NALCN: variants seen among roughly 807,000 people sequenced by gnomAD.
NALCN encodes sodium leak channel, non-selective.
Under a neutral mutation model 225.3 loss-of-function variants are expected in NALCN, and 111 were observed. The ratio of observed to expected loss-of-function variants is 0.49; its 90% CI spans 0.42 to 0.58. NALCN has a LOEUF of 0.58. Ranked by LOEUF, NALCN falls within the 20% of genes least tolerant of loss-of-function variation. NALCN has a pLI of 0.00. For synonymous variants in NALCN, 764 were observed against 769.0 expected, an observed-to-expected ratio of 0.99 and a Z score of 0.11; for missense variants, 1,378 against 2,202.4, an observed-to-expected ratio of 0.63 and a Z score of 7.49.
At chr13:101,383,659 T>C (rs943115421) in intron 3 of NALCN, among the ~76,000 whole-genome samples, 6 of 152,246 alleles carry the variant, frequency 3.9e-5, no homozygotes, top group African/African-American at 1.4e-4. Flanking sequence ...TCTTAATGAA[T>C]GCATCCATCC....
chr13:101,279,640 C>A (rs563055190), intron 10 of NALCN, among the ~76,000 whole-genome samples: 2 of 147,370 alleles, frequency 1.4e-5, no homozygotes, highest in South Asian at 2.2e-4. Flanking sequence ...AACGGTGAAA[C>A]CCCGTCTCTA....
chr13:101,147,073 TCAAA>T (rs1325182938), intron 15 of NALCN, among the ~76,000 whole-genome samples: 1 of 152,118 alleles, frequency 6.6e-6, no homozygotes, highest in African/African-American at 2.4e-5. Flanking sequence ...TTCAATGTCT[TCAAA>T]CAGACACAAG....
At chr13:101,068,064 A>T in intron 38 of NALCN, 31 bp from the exon 39 acceptor site, 2 of 1,272,096 alleles carry the variant, frequency 1.6e-6, no homozygotes, top group Non-Finnish European at 2.3e-6. Flanking sequence ...CAGAAGTTAG[A>T]CCATTATGCT....
At chr13:101,360,080 TTTCTCTTTCTTTCTTTTC>T (rs1208288148) in intron 6 of NALCN, among the ~76,000 whole-genome samples, 23 of 149,872 alleles carry the variant, frequency 1.5e-4, no homozygotes, top group African/African-American at 5.3e-4. Flanking sequence ...TCTTTCTTTC[TTTCTCTTTCTTTCTTTTC>T]TTTCTCTTTC....
rs568959232 is a variant in NALCN at position 101,089,026 on chromosome 13, T to C, written c.3489+637A>G. Reference sequence around the variant, plus strand: ...GATTCTCATGCCTCAGCCAACCCAGTAGCTGGGATTACAGGCATGCGCCAC... The same window carrying C: ...GATTCTCATGCCTCAGCCAACCCAGCAGCTGGGATTACAGGCATGCGCCAC... On this transcript the variant is annotated intron_variant, in intron 30 of 43. Transcript: ENST00000251127. The surrounding 1 kb of genome is among the most constrained non-coding windows in gnomAD (Gnocchi z 4.7). Among the ~76,000 whole-genome samples the C allele has an allele frequency of 1.3e-5, 2 of 151,936 alleles. No homozygotes were observed. Among genetic ancestry groups the C allele is most frequent in the Non-Finnish European group, 2.9e-5 (2 of 67,966 alleles).
chr13:101,239,167 A>G (rs2041670355), intron 11 of NALCN, among the ~76,000 whole-genome samples: 1 of 151,962 alleles, frequency 6.6e-6, no homozygotes, highest in African/African-American at 2.4e-5. Flanking sequence ...TCATCCACAC[A>G]TATGCAATCA....
chr13:101,267,524 T>C (rs1293446670), intron 10 of NALCN, among the ~76,000 whole-genome samples: 1 of 152,198 alleles, frequency 6.6e-6, no homozygotes, highest in Non-Finnish European at 1.5e-5. Context: ...GTCAGTGAGA[T>C]GGTAGCAAAG....
intron 13 of NALCN, among the ~76,000 whole-genome samples, chr13:101,208,005 G>A (rs1204357401): frequency 1.3e-5 from 2 of 151,232 alleles, no homozygotes. Flanking sequence ...TTTATGAGCT[G>A]TAACACTCAC....
chr13:101,301,276 C>T (rs768373635), intron 7 of NALCN, among the ~76,000 whole-genome samples: 7 of 152,328 alleles, frequency 4.6e-5, no homozygotes, highest in South Asian at 2.1e-4. Context: ...GCGCCCCCTG[C>T]GCTCGGCAAT....
At chr13:101,058,094 A>C in intron 42 of NALCN, 38 bp from the exon 43 acceptor site, 1 of 1,551,340 alleles carries the variant, frequency 6.4e-7, no homozygotes, top group South Asian at 1.1e-5. Flanking sequence ...CCGTCTTTTT[A>C]ACCCTGCGCT....
intron 2 of NALCN, among the ~76,000 whole-genome samples, chr13:101,397,962 C>T (rs1392620351): frequency 6.6e-6 from 1 of 151,908 alleles, no homozygotes; most frequent in Non-Finnish European, 1.5e-5. Flanking sequence ...TCACTGGGGC[C>T]AGGGAGCAGT....
intron 7 of NALCN, among the ~76,000 whole-genome samples, chr13:101,341,259 A>T (rs1349227004): frequency 1.3e-5 from 2 of 152,210 alleles, no homozygotes; most frequent in East Asian, 3.9e-4. Flanking sequence ...TTTCATGCAA[A>T]ATATAGTCTC....
intron 1 of NALCN, among the ~76,000 whole-genome samples, chr13:101,415,344 A>G (rs1300186417): frequency 6.6e-6 from 1 of 152,102 alleles, no homozygotes; most frequent in Non-Finnish European, 1.5e-5. Flanking sequence ...CCACCAGGGC[A>G]GTCGGGCCTA....
chr13:101,365,081 C>A (rs765402112), intron 6 of NALCN, among the ~76,000 whole-genome samples: 4 of 152,014 alleles, frequency 2.6e-5, no homozygotes, highest in African/African-American at 9.7e-5. Flanking sequence ...GATACATGTG[C>A]AGGTTTGTTA....
At chr13:101,328,607 T>G (rs1203983687) in intron 7 of NALCN, among the ~76,000 whole-genome samples, 1 of 152,190 alleles carries the variant, frequency 6.6e-6, no homozygotes, top group African/African-American at 2.4e-5. Flanking sequence ...CCACTTTCTA[T>G]CTGTGTGACC....
rs570445229 is a variant in NALCN at position 101,094,594 on chromosome 13, A to G, written c.3269+980T>C. On this transcript the variant is annotated intron_variant, in intron 28 of 43. Transcript: ENST00000251127. The stretch of plus-strand genomic sequence containing the variant: ...TTTTCTAGTCAGCAGTGGGGCCAGG[A>G]TATTCTCATGTCTCACATTCCTCTC... Among the ~76,000 whole-genome samples the G allele has an allele frequency of 3.9e-5, 6 of 152,156 alleles. No individual in the cohort carries two copies. The East Asian group carries it at 7.7e-4, about 20-fold the overall frequency.
chr13:101,402,788 T>A (rs991544225), intron 1 of NALCN, among the ~76,000 whole-genome samples: 1 of 152,218 alleles, frequency 6.6e-6, no homozygotes, highest in African/African-American at 2.4e-5. Context: ...AGATTCAGCC[T>A]GAGAGAGCGA....
In NALCN at chr13:101,104,991, G is replaced by A. The variant is rs1282061955; in HGVS notation, c.2580-41C>T. ...TATATAAAATTCTGCAACAAAGCAA[G>A]CATGTTTTAACTTGCTAAAAATCAT... On this transcript the variant is annotated intron_variant, in intron 22 of 43. Coordinates refer to ENST00000251127, the MANE Select transcript of NALCN (RefSeq NM_052867.4). This position sits in a 1 kb window ranked among gnomAD's most constrained non-coding sequence, Gnocchi z 4.2. 1.9e-6 allele frequency: 3 copies of A among 1,571,718 alleles called. No homozygotes were observed. The highest frequency in any genetic ancestry group is 1.4e-5 in the African/African-American group (1 of 73,868).
chr13:101,299,034 ATTC>A (rs1237745303), intron 7 of NALCN, among the ~76,000 whole-genome samples: 52 of 152,364 alleles, frequency 3.4e-4, no homozygotes, highest in African/African-American at 1.2e-3. Context: ...ATGACATTTC[ATTC>A]TTCTTTAAAG....
Sources: allele counts gnomAD v4.1 joint callset (sites outside exome capture counted in the v4.1 genomes callset), GRCh38; gene constraint gnomAD v4.1.1; non-coding constraint Gnocchi (gnomAD v3.1); transcripts MANE v1.5; gene names NCBI Gene and HGNC (gene_info 2026-07-23, HGNC 2026-07-21).